THSD7A: variants seen among roughly 807,000 people sequenced by gnomAD.
THSD7A encodes thrombospondin type-1 domain-containing protein 7A.
THSD7A carries 96 observed loss-of-function variants against 231.3 expected under a neutral mutation model. That is an observed-to-expected ratio of 0.41 (90% CI 0.35 to 0.49). THSD7A has a LOEUF of 0.49. THSD7A is among the 20% of genes least tolerant of loss of function. THSD7A has a pLI of 0.05. For synonymous variants in THSD7A, 940 were observed against 743.3 expected (o/e 1.26, Z -4.30); for missense variants, 2,290 against 2,070.2 (o/e 1.11, Z -2.06).
intron 27 of THSD7A, 95 bp from the exon 28 acceptor site, chr7:11,375,973 A>G: frequency 3.4e-6 from 4 of 1,173,616 alleles, no homozygotes; most frequent in Non-Finnish European, 5.0e-6. Context: ...AAATTGATAA[A>G]CTGAAATTGC....
intron 6 of THSD7A, among the ~76,000 whole-genome samples, chr7:11,509,455 T>C (rs1179316768): frequency 1.3e-5 from 2 of 152,186 alleles, no homozygotes; most frequent in Non-Finnish European, 2.9e-5. Context: ...AAATAACTTT[T>C]CAATGCTGCT....
intron 27 of THSD7A, 126 bp downstream of exon 27, chr7:11,376,444 G>A (rs1266549862): frequency 3.9e-6 from 3 of 769,182 alleles, no homozygotes; most frequent in African/African-American, 3.5e-5. Flanking sequence ...TAGGACTAAA[G>A]CCATGTTTAT....
At chr7:11,376,497 T>C (rs974911489) in intron 27 of THSD7A, 73 bp downstream of exon 27, 2 of 1,161,104 alleles carry the variant, frequency 1.7e-6, no homozygotes, top group Non-Finnish European at 2.5e-6. Context: ...GAGTACTTAT[T>C]TGAGACATTA....
intron 6 of THSD7A, among the ~76,000 whole-genome samples, chr7:11,496,305 T>C (rs1007052485): frequency 1.3e-5 from 2 of 152,212 alleles, no homozygotes; most frequent in Non-Finnish European, 2.9e-5. Context: ...TGCTGTCCCC[T>C]CTTAGTGTGA....
At chr7:11,753,790 CAG>C (rs763393318) in intron 1 of THSD7A, among the ~76,000 whole-genome samples, 58 of 148,078 alleles carry the variant, frequency 3.9e-4, no homozygotes, top group Middle Eastern at 3.5e-3. Flanking sequence ...GAGAGAGAGA[CAG>C]AGAGAGAGAG....
rs761841418 is a variant in THSD7A, at chr7:11,546,202, G to GCGCGCGCGCGCGCACACACACACACACA, written c.1454-3086_1454-3085insTGTGTGTGTGTGTGTGCGCGCGCGCGCG. 4.6e-5 allele frequency among the ~76,000 whole-genome samples: 6 copies of GCGCGCGCGCGCGCACACACACACACACA among 129,448 alleles called. No homozygotes were observed. The East Asian group carries it at 6.8e-4, about 15-fold the overall frequency. 84.9% of individuals were successfully genotyped at this position (129,448 alleles called of 152,430 possible). ...TCTGTTGTTGCTGGTGTGGGCGCGC[G>GCGCGCGCGCGCGCACACACACACACACA]CTCACACACACACACACACACACAC... On this transcript the variant is annotated intron_variant, in intron 4 of 27. Coordinates refer to ENST00000423059, the MANE Select transcript of THSD7A (RefSeq NM_015204.3).
At chr7:11,556,423 T>G (rs960627607) in intron 4 of THSD7A, among the ~76,000 whole-genome samples, 7 of 151,774 alleles carry the variant, frequency 4.6e-5, no homozygotes, top group African/African-American at 1.7e-4. Flanking sequence ...TTGTAATAAA[T>G]TGTTTTAAAT....
rs1231722416 is a variant in THSD7A at position 11,374,303 on chromosome 7, C to T, written c.*1491G>A. ...TTGTGGAAAATATTTTCTATATAGT[C>T]CTTTACAGAAAAAGTTTGCCACTCT... On this transcript the variant is annotated 3_prime_UTR_variant, in exon 28 of 28. Coordinates refer to ENST00000423059, the MANE Select transcript of THSD7A (RefSeq NM_015204.3). 6.6e-6 allele frequency: 1 copy of T among 152,014 alleles called. No homozygotes were observed. Among genetic ancestry groups the T allele is most frequent in the Non-Finnish European group, 1.5e-5 (1 of 67,964 alleles). 9.4% of individuals were successfully genotyped at this position (152,014 alleles called of 1,614,324 possible).
In THSD7A at chr7:11,610,522, A is replaced by T. The variant is rs74491463; in HGVS notation, c.1023-17020T>A. 5.2e-3 allele frequency among the ~76,000 whole-genome samples: 798 copies of T among 152,232 alleles called. 4 individuals carry two copies. The highest frequency in any genetic ancestry group is 9.1e-3 in the Non-Finnish European group (617 of 67,978). On this transcript the variant is annotated intron_variant, in intron 2 of 27. Coordinates refer to ENST00000423059, the MANE Select transcript of THSD7A (RefSeq NM_015204.3). ...GAGAACTAGTATTTTAAAAGATCCT[A>T]CCCACTACTCAATAACTCCTTAATA...
chr7:11,412,928 C>T lies in THSD7A; in HGVS notation c.3538-128G>A. The T allele has an allele frequency of 8.8e-6, 8 of 904,974 alleles. No individual in the cohort carries two copies. The South Asian group carries it at 1.4e-4, about 16-fold the overall frequency. 56.1% of individuals were successfully genotyped at this position (904,974 alleles called of 1,614,324 possible). On this transcript the variant is annotated intron_variant, in intron 17 of 27. Transcript: ENST00000423059. ...GGCTAACTCAGAAAAGTCAGTCAAC[C>T]TCATTATGCCTCAGTTGTTCAATGT...
Position 11,541,531 on chromosome 7 carries a change from C to A in THSD7A, c.1710G>T (p.Glu570Asp), listed in dbSNP as rs200478878. The A allele has an allele frequency of 1.2e-6, 2 of 1,613,950 alleles. No homozygotes were observed. Among genetic ancestry groups the A allele is most frequent in the Non-Finnish European group, 1.7e-6 (2 of 1,179,876 alleles). The change falls in exon 6 of 28, where the codon GAG (glutamate) becomes GAT (aspartate). Residue 570 changes from glutamate (E) to aspartate (D), a missense_variant. Transcript: ENST00000423059. ...PHLLEAIPCE[E>D]PACYDWKAVR... is the part of the protein sequence containing the mutation. ...CTGCTTTCCAGTCATAACAGGCAGGCTCTTCACAGGGAATGGCTTCCAGTA... is the reference window on the plus strand; with the variant it reads ...CTGCTTTCCAGTCATAACAGGCAGGATCTTCACAGGGAATGGCTTCCAGTA...
At chr7:11,475,098 T>C (rs1053363081) in intron 7 of THSD7A, among the ~76,000 whole-genome samples, 2 of 152,146 alleles carry the variant, frequency 1.3e-5, no homozygotes, top group Admixed American at 6.5e-5. Flanking sequence ...ACATAGTCAA[T>C]TGGAGTGTAG....
chr7:11,486,733 A>T (rs1786675635), intron 6 of THSD7A, among the ~76,000 whole-genome samples: 1 of 152,204 alleles, frequency 6.6e-6, no homozygotes, highest in African/African-American at 2.4e-5. Flanking sequence ...TTTGGCATAC[A>T]TTTACAAACA....
chr7:11,461,900 A>G (rs972878931), intron 10 of THSD7A, 111 bp downstream of exon 10: 51 of 1,374,050 alleles, frequency 3.7e-5, no homozygotes, highest in Non-Finnish European at 4.9e-5. Flanking sequence ...TCCCAACTCC[A>G]TTGAGCCTGT....
At chr7:11,775,148 A>AAATC (rs1348841032) in intron 1 of THSD7A, among the ~76,000 whole-genome samples, 2 of 152,202 alleles carry the variant, frequency 1.3e-5, no homozygotes, top group Non-Finnish European at 2.9e-5. Flanking sequence ...AAGAAAAAAG[A>AAATC]AATCAACACC....
intron 1 of THSD7A, among the ~76,000 whole-genome samples, chr7:11,786,202 T>C (rs1256790091): frequency 6.6e-6 from 1 of 151,444 alleles, no homozygotes; most frequent in African/African-American, 2.4e-5. Flanking sequence ...CTGGACCTAC[T>C]ATACGAAAAC....
chr7:11,463,638 C>A (rs531158373), intron 9 of THSD7A, among the ~76,000 whole-genome samples: 3 of 151,996 alleles, frequency 2.0e-5, no homozygotes, highest in Non-Finnish European at 4.4e-5. Flanking sequence ...AATGAATAAG[C>A]GGGATACTAC....
At chr7:11,379,370 G>T in intron 25 of THSD7A, 90 bp from the exon 26 acceptor site, 1 of 1,318,382 alleles carries the variant, frequency 7.6e-7, no homozygotes, top group Non-Finnish European at 1.1e-6. Context: ...TTTAAACAAG[G>T]TTTGTTTTGG....
chr7:11,696,038 A>T (rs567025821), intron 1 of THSD7A, among the ~76,000 whole-genome samples: 91 of 151,564 alleles, frequency 6.0e-4, no homozygotes, highest in African/African-American at 2.2e-3. Flanking sequence ...GTTTAGGAAG[A>T]CTTCTAGATT....
Sources: allele counts gnomAD v4.1 joint callset (sites outside exome capture counted in the v4.1 genomes callset), GRCh38; gene constraint gnomAD v4.1.1; transcripts MANE v1.5; gene names NCBI Gene and HGNC (gene_info 2026-07-23, HGNC 2026-07-21).